PRKG1: variants seen among roughly 807,000 people sequenced by gnomAD.
The protein encoded by PRKG1 is cGMP-dependent protein kinase 1.
Under a neutral mutation model 88.1 loss-of-function variants are expected in PRKG1, and 35 were observed. The ratio of observed to expected loss-of-function variants is 0.40; its 90% CI spans 0.30 to 0.53. PRKG1 has a LOEUF of 0.53. Ranked by LOEUF, PRKG1 falls within the 20% of genes least tolerant of loss-of-function variation. The pLI is 0.59. For missense variants in PRKG1, 540 were observed against 839.8 expected, an observed-to-expected ratio of 0.64 and a Z score of 4.41; for synonymous variants, 303 against 292.5, an observed-to-expected ratio of 1.04 and a Z score of -0.37.
At chr10:51,259,833 G>GC (rs202131002) in intron 2 of PRKG1, among the ~76,000 whole-genome samples, 3,125 of 152,128 alleles carry the variant, frequency 0.021, 43 homozygotes, top group Middle Eastern at 0.044. Context: ...TTATAGCCAG[G>GC]CCCCATATGG....
At chr10:51,050,220 A>C (rs1413482030) in intron 1 of PRKG1, among the ~76,000 whole-genome samples, 1 of 151,922 alleles carries the variant, frequency 6.6e-6, no homozygotes, top group Non-Finnish European at 1.5e-5. Flanking sequence ...TATACAGTTC[A>C]GTATTGTTTA....
intron 3 of PRKG1, among the ~76,000 whole-genome samples, chr10:51,477,827 A>G (rs1217342645): frequency 6.6e-6 from 1 of 152,022 alleles, no homozygotes; most frequent in Non-Finnish European, 1.5e-5. Flanking sequence ...CAGAGACTGG[A>G]GGTCCTGGCA....
chr10:51,245,163 A>G (rs900191274), intron 2 of PRKG1: 1 of 152,140 alleles, frequency 6.6e-6, no homozygotes, highest in Non-Finnish European at 1.5e-5. Flanking sequence ...AGGATATAAG[A>G]CAGCCCATAA....
intron 4 of PRKG1, among the ~76,000 whole-genome samples, chr10:51,860,860 G>A (rs79918171): frequency 0.046 from 6,974 of 152,220 alleles, 261 homozygotes; most frequent in Middle Eastern, 0.085. Flanking sequence ...TTTGGAGCAG[G>A]GAGGGTCTAA....
intron 4 of PRKG1, among the ~76,000 whole-genome samples, chr10:51,873,260 C>G (rs1250329390): frequency 6.6e-6 from 1 of 151,836 alleles, no homozygotes; most frequent in African/African-American, 2.4e-5. Context: ...TTTAAGAAAA[C>G]TATAATTATG....
chr10:52,054,401 T>TG (rs1209071347), intron 5 of PRKG1, 83 bp from the exon 6 acceptor site: 1 of 960,588 alleles, frequency 1.0e-6, no homozygotes, highest in Non-Finnish European at 1.6e-6. Flanking sequence ...AATATATCCC[T>TG]GGGGGTTGAT....
At position 51,579,362 on chromosome 10, in the gene PRKG1, A is replaced by G. The variant is rs1412732661; in HGVS notation, c.592+111526A>G. Among the ~76,000 whole-genome samples, 5 of 152,200 alleles carry G rather than the reference A, an allele frequency of 3.3e-5. No homozygotes were observed. In the East Asian group the frequency reaches 9.7e-4, roughly 29 times the overall value. On this transcript the variant is annotated intron_variant, in intron 3 of 17. Coordinates refer to ENST00000373980, the MANE Select transcript of PRKG1 (RefSeq NM_006258.4). ...CACATGAAATTAATACACATATAGAAAAGATGAAGTGTGATGTCTTCAATA... is the reference window on the plus strand; with the variant it reads ...CACATGAAATTAATACACATATAGAGAAGATGAAGTGTGATGTCTTCAATA...
intron 3 of PRKG1, among the ~76,000 whole-genome samples, chr10:51,611,530 C>T (rs1247226229): frequency 6.6e-6 from 1 of 151,458 alleles, no homozygotes; most frequent in East Asian, 1.9e-4. Context: ...TGGATATTAG[C>T]CCCCTGTCAA....
At position 51,166,389 on chromosome 10, in the gene PRKG1, G is replaced by A. The variant is rs1056309898; in HGVS notation, c.478+13059G>A. On this transcript the variant is annotated intron_variant, in intron 2 of 17. Coordinates refer to ENST00000373980, the MANE Select transcript of PRKG1 (RefSeq NM_006258.4). ...GAGTTTATATCATATTTCAGGTAACGGTGGGTTGGTGGTATAGCATGTAAA... is the reference window on the plus strand; with the variant it reads ...GAGTTTATATCATATTTCAGGTAACAGTGGGTTGGTGGTATAGCATGTAAA... Among the ~76,000 whole-genome samples, 6 of 152,124 alleles carry A rather than the reference G, an allele frequency of 3.9e-5. No individual in the cohort carries two copies. The East Asian group carries it at 7.7e-4, about 20-fold the overall frequency.
At chr10:51,939,860 T>C (rs768256271) in intron 5 of PRKG1, among the ~76,000 whole-genome samples, 12 of 151,922 alleles carry the variant, frequency 7.9e-5, no homozygotes, top group Non-Finnish European at 1.6e-4. Context: ...GTTATGCTGA[T>C]GAGTGATCCT....
intron 4 of PRKG1, among the ~76,000 whole-genome samples, chr10:51,811,761 C>T (rs1207901865): frequency 1.3e-5 from 2 of 151,990 alleles, no homozygotes; most frequent in Non-Finnish European, 2.9e-5. Context: ...GAAGATCTTG[C>T]CTAAGTTGTC....
chr10:52,265,774 T>C (rs1841555776), intron 10 of PRKG1, among the ~76,000 whole-genome samples: 1 of 152,088 alleles, frequency 6.6e-6, no homozygotes, highest in African/African-American at 2.4e-5. Flanking sequence ...AGCCAGATAG[T>C]TAAGAACTTG....
chr10:52,285,668 AGTGTTTAGAT>A (rs1842102614), intron 14 of PRKG1, among the ~76,000 whole-genome samples: 2 of 152,244 alleles, frequency 1.3e-5, no homozygotes, highest in East Asian at 3.9e-4. Context: ...TATAGGAGGA[AGTGTTTAGAT>A]AAACTCTTAT....
intron 5 of PRKG1, among the ~76,000 whole-genome samples, chr10:51,933,372 A>C (rs973654176): frequency 6.6e-6 from 1 of 152,104 alleles, no homozygotes; most frequent in Admixed American, 6.6e-5. Context: ...CCCATCTATA[A>C]TTTTATCTGG....
At chr10:51,074,431 G>C (rs1478959767), upstream of PRKG1, 7 of 1,447,674 alleles carry the variant, frequency 4.8e-6, no homozygotes, top group Non-Finnish European at 6.4e-6. Flanking sequence ...GGAGCCGGCG[G>C]ACTGGGCATG....
At chr10:52,144,722 C>T (rs897042992) in intron 8 of PRKG1, among the ~76,000 whole-genome samples, 2 of 86,438 alleles carry the variant, frequency 2.3e-5, no homozygotes, top group Non-Finnish European at 5.5e-5. Flanking sequence ...GAAGCTGAGG[C>T]AGGAGAATTG....
At chr10:52,133,656 G>A (rs1259815562) in intron 7 of PRKG1, among the ~76,000 whole-genome samples, 184 bp from the exon 8 acceptor site, 1 of 152,080 alleles carries the variant, frequency 6.6e-6, no homozygotes, top group African/African-American at 2.4e-5. Context: ...GGATTTGTAT[G>A]ATTAATGACA....
intron 7 of PRKG1, among the ~76,000 whole-genome samples, chr10:52,063,892 T>C (rs1435300509): frequency 6.6e-6 from 1 of 152,124 alleles, no homozygotes; most frequent in Non-Finnish European, 1.5e-5. Flanking sequence ...CAGCTGGTCA[T>C]CCCAATATCT....
At chr10:51,284,387 G>A (rs1156376723) in intron 2 of PRKG1, among the ~76,000 whole-genome samples, 1 of 152,154 alleles carries the variant, frequency 6.6e-6, no homozygotes, top group Non-Finnish European at 1.5e-5. Flanking sequence ...TACATAACTA[G>A]CCCAAGGACA....
Sources: allele counts gnomAD v4.1 joint callset (sites outside exome capture counted in the v4.1 genomes callset), GRCh38; gene constraint gnomAD v4.1.1; transcripts MANE v1.5; gene names NCBI Gene and HGNC (gene_info 2026-07-23, HGNC 2026-07-21).